The following MIPOL1 variants were observed in gnomAD, a reference collection of about 807,000 sequenced individuals.
MIPOL1 encodes the protein mirror-image polydactyly 1.
MIPOL1 carries 57 observed loss-of-function variants against 60.9 expected under a neutral mutation model. That is an observed-to-expected ratio of 0.94 (90% CI 0.76 to 1.17). MIPOL1 has a LOEUF of 1.17. Ranked by LOEUF, MIPOL1 falls within the 50% of genes most tolerant of loss-of-function variation. The pLI, the probability that MIPOL1 is intolerant of heterozygous loss-of-function variation, is 0.00. For synonymous variants in MIPOL1, 179 were observed against 168.8 expected (o/e 1.06, Z -0.47); for missense variants, 551 against 511.6 (o/e 1.08, Z -0.74).
At chr14:37,324,536 A>T (rs1157582796) in intron 9 of MIPOL1, among the ~76,000 whole-genome samples, 1 of 152,008 alleles carries the variant, frequency 6.6e-6, no homozygotes, top group Non-Finnish European at 1.5e-5. Flanking sequence ...TTATTTTCTT[A>T]ATACCATCTT....
intron 7 of MIPOL1, among the ~76,000 whole-genome samples, chr14:37,303,081 G>A (rs1173593970): frequency 6.6e-6 from 1 of 151,738 alleles, no homozygotes; most frequent in East Asian, 1.9e-4. Context: ...TTATTCATGA[G>A]ATTTGCTTCT....
At chr14:37,522,886 A>G (rs1245729331) in intron 12 of MIPOL1, among the ~76,000 whole-genome samples, 1 of 152,158 alleles carries the variant, frequency 6.6e-6, no homozygotes, top group South Asian at 2.1e-4. Context: ...TGGGAAATTA[A>G]TAGATATGAA....
chr14:37,468,924 A>G (rs1294387091), intron 11 of MIPOL1, among the ~76,000 whole-genome samples: 1 of 152,172 alleles, frequency 6.6e-6, no homozygotes, highest in Non-Finnish European at 1.5e-5. Flanking sequence ...AGAGGTAAAT[A>G]GGTGAATGAT....
chr14:37,298,064 C>T (rs1325684915), intron 7 of MIPOL1, among the ~76,000 whole-genome samples: 7 of 152,144 alleles, frequency 4.6e-5, no homozygotes, highest in African/African-American at 1.7e-4. Flanking sequence ...TACAAGGCTA[C>T]AGTAACCAAA....
intron 3 of MIPOL1, among the ~76,000 whole-genome samples, chr14:37,252,702 C>T (rs1205526540): frequency 6.6e-6 from 1 of 151,750 alleles, no homozygotes; most frequent in East Asian, 1.9e-4. Flanking sequence ...TTCTGTTTTA[C>T]CTTTTGTCTG....
At chr14:37,356,154 G>C (rs1418265106) in intron 9 of MIPOL1, among the ~76,000 whole-genome samples, 3 of 151,340 alleles carry the variant, frequency 2.0e-5, no homozygotes, top group African/African-American at 7.3e-5. Flanking sequence ...AGGTCTGTTG[G>C]AATACCCTGC....
intron 9 of MIPOL1, among the ~76,000 whole-genome samples, chr14:37,328,747 A>G (rs1223167634): frequency 6.6e-6 from 1 of 152,190 alleles, no homozygotes; most frequent in Non-Finnish European, 1.5e-5. Context: ...TGACAGCATT[A>G]TTTAATGAAG....
intron 11 of MIPOL1, among the ~76,000 whole-genome samples, chr14:37,481,375 G>A (rs2094861727): frequency 6.6e-6 from 1 of 152,016 alleles, no homozygotes; most frequent in Non-Finnish European, 1.5e-5. Context: ...AGAGATTGAA[G>A]AGGACACAAA....
intron 11 of MIPOL1, among the ~76,000 whole-genome samples, chr14:37,444,781 C>A (rs1753965377): frequency 6.6e-6 from 1 of 152,144 alleles, no homozygotes; most frequent in Admixed American, 6.5e-5. Flanking sequence ...ATACGCAAAT[C>A]AGTAAATGTA....
At chr14:37,349,019 C>T (rs761719528) in intron 9 of MIPOL1, among the ~76,000 whole-genome samples, 3 of 100,052 alleles carry the variant, frequency 3.0e-5, no homozygotes, top group East Asian at 3.3e-4. Flanking sequence ...GATGGAGTTT[C>T]GCTCTGTTGC....
intron 9 of MIPOL1, among the ~76,000 whole-genome samples, chr14:37,361,837 G>A (rs1471000822): frequency 1.3e-5 from 2 of 151,948 alleles, no homozygotes; most frequent in South Asian, 2.1e-4. Context: ...TCAATCTCCT[G>A]ACCTTGTGAT....
intron 11 of MIPOL1, among the ~76,000 whole-genome samples, chr14:37,495,583 A>G (rs1463865388): frequency 6.8e-6 from 1 of 147,136 alleles, no homozygotes; most frequent in Non-Finnish European, 1.5e-5. Context: ...TAGTGCCACA[A>G]TAAACATACG....
intron 7 of MIPOL1, among the ~76,000 whole-genome samples, chr14:37,288,476 T>C (rs369548446): frequency 2.0e-5 from 3 of 152,094 alleles, no homozygotes; most frequent in South Asian, 4.1e-4. Context: ...TAGGTTAATT[T>C]ATAGCTACTT....
chr14:37,501,195 A>G, intron 12 of MIPOL1, among the ~76,000 whole-genome samples: 1 of 152,322 alleles, frequency 6.6e-6, no homozygotes, highest in South Asian at 2.1e-4. Flanking sequence ...TAGGTATTAT[A>G]TATATTTGTA....
chr14:37,408,834 A>G (rs1221598695), intron 10 of MIPOL1, among the ~76,000 whole-genome samples: 4 of 152,194 alleles, frequency 2.6e-5, no homozygotes, highest in African/African-American at 4.8e-5. Context: ...GTCCTGGATG[A>G]AACAGTTTCA....
At chr14:37,362,841 G>C (rs971636961) in intron 9 of MIPOL1, among the ~76,000 whole-genome samples, 1 of 151,848 alleles carries the variant, frequency 6.6e-6, no homozygotes, top group African/African-American at 2.4e-5. Context: ...TTCTCCCCTC[G>C]CTATATTTCA....
intron 8 of MIPOL1, 110 bp downstream of exon 8, chr14:37,308,199 C>A: frequency 8.1e-7 from 1 of 1,231,556 alleles, no homozygotes; most frequent in Non-Finnish European, 1.1e-6. Flanking sequence ...AGAATTGACA[C>A]ACTAATAATG....
intron 11 of MIPOL1, among the ~76,000 whole-genome samples, chr14:37,443,876 C>T (rs971153536): frequency 1.3e-5 from 2 of 151,882 alleles, no homozygotes; most frequent in African/African-American, 2.4e-5. Context: ...TGTAATTTAC[C>T]ATGTTAACAG....
In MIPOL1 at chr14:37,244,282, G is replaced by A. The variant is rs865931855; in HGVS notation, c.-198-2821G>A. Among the ~76,000 whole-genome samples, 14 of 151,358 alleles carry A rather than the reference G, an allele frequency of 9.2e-5. No individual in the cohort carries two copies. In the Middle Eastern group the frequency reaches 0.014, roughly 148 times the overall value. On this transcript the variant is annotated intron_variant, in intron 1 of 12. Coordinates refer to ENST00000684589, the MANE Select transcript of MIPOL1 (RefSeq NM_001388067.1). ...ACTACAGGTGCACACCACCAAGCCA[G>A]GCTAATTTTTTTTTATTTTTAGTAG... is the stretch of plus-strand genomic sequence containing the variant.
Sources: gnomAD v4.1 joint callset for allele counts (sites outside exome capture counted in the v4.1 genomes callset) on GRCh38, gnomAD v4.1.1 for gene constraint, MANE v1.5 for transcripts, NCBI Gene and HGNC (gene_info 2026-07-23, HGNC 2026-07-21) for gene names.